Variants in JAM3 observed in about 807,000 individuals in gnomAD.
The protein encoded by JAM3 is junctional adhesion molecule 3, also known as junctional adhesion molecule C.
In JAM3, 31 loss-of-function variants were observed where a neutral mutation model predicts 39.4. The ratio of observed to expected loss-of-function variants is 0.79; its 90% CI spans 0.59 to 1.06. The LOEUF (loss-of-function observed/expected upper bound fraction) is 1.06, where lower values mean the gene tolerates loss of function less well. Among genes scored for constraint, JAM3 ranks in the 50% least tolerant of loss-of-function variants. JAM3 has a pLI of 0.00. For missense variants in JAM3, 455 were observed against 391.4 expected (o/e 1.16, Z -1.37); for synonymous variants, 182 against 148.7 (o/e 1.22, Z -1.63).
intron 6 of JAM3, 68 bp from the exon 7 acceptor site, chr11:134,148,479 A>G: frequency 6.2e-7 from 1 of 1,608,274 alleles, no homozygotes; most frequent in African/African-American, 1.3e-5. Flanking sequence ...GAGGCACAGC[A>G]GGGCCAGGGC....
intron 1 of JAM3, among the ~76,000 whole-genome samples, chr11:134,123,098 A>G (rs1300571787): frequency 6.6e-6 from 1 of 152,246 alleles, no homozygotes; most frequent in Non-Finnish European, 1.5e-5. Context: ...TACTTTGTCT[A>G]GTATTAGATA....
chr11:134,079,699 C>T (rs1941632637), intron 1 of JAM3, among the ~76,000 whole-genome samples: 1 of 152,214 alleles, frequency 6.6e-6, no homozygotes, highest in Admixed American at 6.5e-5. Flanking sequence ...AAAACATCCA[C>T]ATTTCTTTCC....
chr11:134,138,207 A>G (rs1299521692), intron 1 of JAM3, among the ~76,000 whole-genome samples: 1 of 122,112 alleles, frequency 8.2e-6, no homozygotes, highest in African/African-American at 3.9e-5. Context: ...TACTGAGAGA[A>G]ATGTTTATGG....
At chr11:134,148,509 T>C (rs201643656) in intron 6 of JAM3, 38 bp from the exon 7 acceptor site, 5 of 1,613,792 alleles carry the variant, frequency 3.1e-6, no homozygotes, top group South Asian at 2.2e-5. Context: ...TAACAGATAG[T>C]GTGTATCATG....
chr11:134,088,004 A>T (rs1412147392), intron 1 of JAM3, among the ~76,000 whole-genome samples: 1 of 152,190 alleles, frequency 6.6e-6, no homozygotes, highest in Admixed American at 6.5e-5. Context: ...GCATTTCCAG[A>T]TGCCCCATGG....
chr11:134,096,548 G>A (rs1941987961), intron 1 of JAM3, among the ~76,000 whole-genome samples: 1 of 152,046 alleles, frequency 6.6e-6, no homozygotes, highest in South Asian at 2.1e-4. Context: ...TCAAATCCAG[G>A]GGCCAGTTGT....
intron 1 of JAM3, among the ~76,000 whole-genome samples, chr11:134,073,527 C>T (rs150349316): frequency 1.8e-4 from 27 of 152,282 alleles, no homozygotes; most frequent in African/African-American, 6.3e-4. Context: ...AGTGATCCTT[C>T]CTATCTCTAA....
At chr11:134,122,263 A>G (rs1942548122) in intron 1 of JAM3, among the ~76,000 whole-genome samples, 1 of 152,212 alleles carries the variant, frequency 6.6e-6, no homozygotes, top group South Asian at 2.1e-4. Context: ...TGGGAGGCTT[A>G]TGGCTCTGCA....
At chr11:134,104,719 A>G (rs998513099) in intron 1 of JAM3, among the ~76,000 whole-genome samples, 4 of 152,228 alleles carry the variant, frequency 2.6e-5, no homozygotes, top group African/African-American at 7.2e-5. Context: ...AGAGAATACT[A>G]TAAACACCTC....
Position 134,151,806 on chromosome 11 carries a change from C to T in JAM3, c.*2625C>T, listed in dbSNP as rs1178255275. The stretch of plus-strand genomic sequence containing the variant: ...CTTACGTTGGGTTTGTCTCTTCTTC[C>T]TAGCATTTCAGTGGTTAGGCATGCA... On this transcript the variant is annotated 3_prime_UTR_variant, in exon 9 of 9. Transcript: ENST00000299106. 1 of 152,102 alleles carries T rather than the reference C, an allele frequency of 6.6e-6. No individual in the cohort carries two copies. The highest frequency in any genetic ancestry group is 1.5e-5 in the Non-Finnish European group (1 of 68,012). 9.4% of individuals were successfully genotyped at this position (152,102 alleles called of 1,614,324 possible).
chr11:134,076,248 G>A (rs190465026), intron 1 of JAM3, among the ~76,000 whole-genome samples: 20 of 146,930 alleles, frequency 1.4e-4, no homozygotes, highest in Admixed American at 7.7e-4. Context: ...GCCACCTCCC[G>A]GGGTCAAGCA....
intron 1 of JAM3, chr11:134,126,370 ATCTC>A (rs1170593079): frequency 1.3e-5 from 2 of 152,252 alleles, no homozygotes; most frequent in African/African-American, 4.8e-5. Context: ...CATCCCTGCC[ATCTC>A]TCTTTGTCAT....
intron 1 of JAM3, among the ~76,000 whole-genome samples, chr11:134,125,183 C>T (rs1371319344): frequency 6.6e-6 from 1 of 152,264 alleles, no homozygotes; most frequent in African/African-American, 2.4e-5. Flanking sequence ...GCCGCCGCCA[C>T]CGCCGCTGCA....
At chr11:134,092,059 G>C (rs1008907109) in intron 1 of JAM3, among the ~76,000 whole-genome samples, 3 of 151,784 alleles carry the variant, frequency 2.0e-5, no homozygotes, top group Non-Finnish European at 4.4e-5. Context: ...ATCCCCTTTC[G>C]CAGAATTCTT....
rs1591811760 is a variant in JAM3, at chr11:134,149,326, A to G, written c.*145A>G. ...TTCGTTTTGGCCAAAGTTGACCACTACTCTTCTTACTCTAACAAGCCACAT... is the reference window on the plus strand; with the variant it reads ...TTCGTTTTGGCCAAAGTTGACCACTGCTCTTCTTACTCTAACAAGCCACAT... On this transcript the variant is annotated 3_prime_UTR_variant, in exon 9 of 9. Transcript: ENST00000299106. 1 of 818,300 alleles carries G rather than the reference A, an allele frequency of 1.2e-6. No individual in the cohort carries two copies. The allele number at this position is 818,300 out of a possible 1,614,324, so 50.7% of individuals were successfully genotyped here. A position where few individuals can be genotyped will look rare whatever the true frequency, so the allele number is the denominator to read the frequency against.
At chr11:134,125,071 A>T (rs1460281027) in intron 1 of JAM3, among the ~76,000 whole-genome samples, 1 of 152,150 alleles carries the variant, frequency 6.6e-6, no homozygotes, top group Admixed American at 6.5e-5. Context: ...CTGCTCCTGC[A>T]GCCGCCGCTG....
At chr11:134,100,872 C>G (rs557231019) in intron 1 of JAM3, among the ~76,000 whole-genome samples, 3 of 152,176 alleles carry the variant, frequency 2.0e-5, no homozygotes, top group East Asian at 1.9e-4. Flanking sequence ...TATACTGCTT[C>G]CTTACTAGAC....
At chr11:134,131,889 G>C (rs902805661) in intron 1 of JAM3, among the ~76,000 whole-genome samples, 3 of 151,984 alleles carry the variant, frequency 2.0e-5, no homozygotes, top group Non-Finnish European at 4.4e-5. Flanking sequence ...TAATTATCAA[G>C]TTTGAGGAGC....
At chr11:134,086,821 T>C (rs1941752758) in intron 1 of JAM3, among the ~76,000 whole-genome samples, 1 of 152,072 alleles carries the variant, frequency 6.6e-6, no homozygotes, top group African/African-American at 2.4e-5. Flanking sequence ...TTGTTGTTGT[T>C]GTTTTGTTTT....
Sources: gnomAD v4.1 joint callset for allele counts (sites outside exome capture counted in the v4.1 genomes callset) on GRCh38, gnomAD v4.1.1 for gene constraint, MANE v1.5 for transcripts, NCBI Gene and HGNC (gene_info 2026-07-23, HGNC 2026-07-21) for gene names.